AGBL4: variants seen among roughly 807,000 people sequenced by gnomAD.
The protein encoded by AGBL4 is cytosolic carboxypeptidase 6.
A neutral mutation model predicts 66.4 loss-of-function variants in AGBL4; 58 were observed. That is an observed-to-expected ratio of 0.87 (90% CI 0.71 to 1.09). AGBL4 has a LOEUF of 1.09. Ranked by LOEUF, AGBL4 falls within the 50% of genes least tolerant of loss-of-function variation. The pLI, the probability that AGBL4 is intolerant of heterozygous loss-of-function variation, is 0.00. For missense variants in AGBL4, 579 were observed against 631.0 expected (o/e 0.92, Z 0.88); for synonymous variants, 234 against 222.9 (o/e 1.05, Z -0.44).
chr1:48,789,292 ATATT>A (rs369441909), intron 6 of AGBL4, among the ~76,000 whole-genome samples: 52 of 110,722 alleles, frequency 4.7e-4, no homozygotes, highest in Admixed American at 1.5e-3. Flanking sequence ...ATATATATAT[ATATT>A]TTTTTTTTTT....
rs193036409 is a variant in AGBL4 at position 49,203,413 on chromosome 1, T to C, written c.377+42357A>G. ...GAATGAATAAAGAAAATATAGTATA[T>C]ATGCAATGGAATATTATTTAGCCTT... On this transcript the variant is annotated intron_variant, in intron 4 of 13. Coordinates refer to ENST00000371839, the MANE Select transcript of AGBL4 (RefSeq NM_032785.4). Among the ~76,000 whole-genome samples the C allele has an allele frequency of 4.6e-5, 7 of 152,266 alleles. No individual in the cohort carries two copies. The East Asian group carries it at 1.2e-3, about 25-fold the overall frequency.
chr1:50,011,458 G>A (rs4926546), intron 1 of AGBL4, among the ~76,000 whole-genome samples: 141,153 of 152,272 alleles, frequency 0.93, 66,297 homozygotes, highest in East Asian at 1. Flanking sequence ...TACAACCACT[G>A]TTGAGAAGCG....
intron 2 of AGBL4, among the ~76,000 whole-genome samples, chr1:49,800,325 A>T (rs1369791451): frequency 6.6e-6 from 1 of 151,536 alleles, no homozygotes; most frequent in Admixed American, 6.6e-5. Context: ...CATGTTGGGG[A>T]ACTCCATTTA....
At chr1:49,790,887 T>C (rs1644583333) in intron 2 of AGBL4, among the ~76,000 whole-genome samples, 1 of 152,224 alleles carries the variant, frequency 6.6e-6, no homozygotes, top group Admixed American at 6.5e-5. Context: ...ATGTTTTTAA[T>C]GTGTAATTGT....
intron 1 of AGBL4, among the ~76,000 whole-genome samples, chr1:49,979,162 T>G (rs1172434673): frequency 6.6e-6 from 1 of 152,202 alleles, no homozygotes; most frequent in African/African-American, 2.4e-5. Context: ...AGTTAAAATA[T>G]ATCAAAACTT....
At chr1:48,916,295 T>C (rs1024586502) in intron 5 of AGBL4, among the ~76,000 whole-genome samples, 10 of 152,174 alleles carry the variant, frequency 6.6e-5, no homozygotes, top group African/African-American at 1.9e-4. Context: ...CTTTCCCATC[T>C]GGCTCCATCT....
chr1:49,173,696 G>A (rs481462), intron 4 of AGBL4, among the ~76,000 whole-genome samples: 104,049 of 152,044 alleles, frequency 0.68, 36,320 homozygotes, highest in African/African-American at 0.78. Flanking sequence ...GAGGGTTGGG[G>A]TTACAATTTT....
chr1:49,055,130 A>C (rs1052416776), intron 4 of AGBL4, among the ~76,000 whole-genome samples: 3 of 152,016 alleles, frequency 2.0e-5, no homozygotes, highest in African/African-American at 7.2e-5. Flanking sequence ...TTATTAGTAG[A>C]GTCTTTTGAT....
chr1:49,204,373 C>A (rs1456960132), intron 4 of AGBL4, among the ~76,000 whole-genome samples: 1 of 151,896 alleles, frequency 6.6e-6, no homozygotes, highest in Non-Finnish European at 1.5e-5. Context: ...TGGCCTCAAG[C>A]AATCCTCCCT....
At chr1:49,578,723 G>T (rs1026656308) in intron 3 of AGBL4, among the ~76,000 whole-genome samples, 1 of 152,120 alleles carries the variant, frequency 6.6e-6, no homozygotes, top group Non-Finnish European at 1.5e-5. Flanking sequence ...TTGTATGAAG[G>T]ATCGTTGTAT....
At chr1:49,216,276 A>G (rs1283835372) in intron 4 of AGBL4, among the ~76,000 whole-genome samples, 1 of 152,056 alleles carries the variant, frequency 6.6e-6, no homozygotes, top group South Asian at 2.1e-4. Flanking sequence ...TCTAATTTCA[A>G]CTTTTAGACT....
chr1:49,297,356 G>C (rs759627526), intron 3 of AGBL4, among the ~76,000 whole-genome samples: 6 of 152,200 alleles, frequency 3.9e-5, no homozygotes, highest in Non-Finnish European at 8.8e-5. Context: ...GAAAGTTACA[G>C]ACAGATAGAA....
intron 1 of AGBL4, among the ~76,000 whole-genome samples, chr1:49,936,729 G>C (rs548416160): frequency 1.3e-3 from 204 of 152,128 alleles, no homozygotes; most frequent in Non-Finnish European, 2.5e-3. Context: ...TTCATATCCA[G>C]CCAAACTAAG....
chr1:48,793,642 C>G (rs1278150543), intron 6 of AGBL4, among the ~76,000 whole-genome samples: 1 of 152,130 alleles, frequency 6.6e-6, no homozygotes, highest in Non-Finnish European at 1.5e-5. Flanking sequence ...AACAACTCCA[C>G]GGACTGTTGC....
intron 1 of AGBL4, among the ~76,000 whole-genome samples, chr1:49,956,254 C>G (rs1052172165): frequency 1.6e-4 from 25 of 151,754 alleles, no homozygotes; most frequent in African/African-American, 5.8e-4. Context: ...AAACTCAGGG[C>G]AAGTTTAGGT....
intron 1 of AGBL4, among the ~76,000 whole-genome samples, chr1:50,022,768 C>T (rs1477998773): frequency 3.9e-5 from 6 of 152,196 alleles, no homozygotes; most frequent in African/African-American, 1.4e-4. Context: ...CACACATATT[C>T]CCAAAGCCAC....
intron 6 of AGBL4, among the ~76,000 whole-genome samples, chr1:48,864,495 T>C (rs573915479): frequency 1.3e-5 from 2 of 152,316 alleles, no homozygotes; most frequent in South Asian, 4.1e-4. Context: ...TTATTTGCAA[T>C]TGCAAGTGGC....
intron 3 of AGBL4, among the ~76,000 whole-genome samples, chr1:49,302,961 A>C (rs1003075901): frequency 3.3e-5 from 5 of 152,054 alleles, no homozygotes; most frequent in African/African-American, 1.2e-4. Flanking sequence ...AATGGTTTCC[A>C]GTTCCATCCA....
intron 5 of AGBL4, among the ~76,000 whole-genome samples, chr1:48,950,666 T>A (rs542786061): frequency 1.2e-4 from 18 of 152,262 alleles, no homozygotes; most frequent in Non-Finnish European, 2.2e-4. Context: ...GCAGCCAGCT[T>A]GAGCCAAATG....
Sources: gnomAD v4.1 joint callset for allele counts (sites outside exome capture counted in the v4.1 genomes callset) on GRCh38, gnomAD v4.1.1 for gene constraint, MANE v1.5 for transcripts, NCBI Gene and HGNC (gene_info 2026-07-23, HGNC 2026-07-21) for gene names.